The following MEI4 variants were observed in gnomAD, a reference collection of about 807,000 sequenced individuals.
MEI4 encodes the protein meiosis-specific protein MEI4.
In MEI4, 27 loss-of-function variants were observed where a neutral mutation model predicts 31.4. That is an observed-to-expected ratio of 0.86 (90% CI 0.63 to 1.19). MEI4 has a LOEUF of 1.19. MEI4 is among the 50% of genes most tolerant of loss of function. The probability of loss-of-function intolerance (pLI) is 0.00; values close to 1 mark genes in which losing one functional copy is unlikely to be tolerated. For synonymous variants in MEI4, 122 were observed against 145.4 expected (o/e 0.84, Z 1.16); for missense variants, 329 against 398.9 (o/e 0.82, Z 1.49).
chr6:77,796,395 A>T (rs1204661762), intron 3 of MEI4, among the ~76,000 whole-genome samples: 1 of 152,148 alleles, frequency 6.6e-6, no homozygotes, highest in East Asian at 1.9e-4. Context: ...GAAATAAAAG[A>T]TTCAAATTTG....
chr6:77,873,924 G>T (rs902461822), intron 4 of MEI4, among the ~76,000 whole-genome samples: 17 of 152,136 alleles, frequency 1.1e-4, no homozygotes, highest in African/African-American at 3.4e-4. Flanking sequence ...TAGATATGCG[G>T]CATTATTTCT....
rs563235955 is a variant in MEI4, at chr6:77,734,546, G to T, written c.233-26584G>T. Among the ~76,000 whole-genome samples, 5 of 152,072 alleles carry T rather than the reference G, an allele frequency of 3.3e-5. No individual in the cohort carries two copies. In the South Asian group the frequency reaches 1.0e-3, roughly 32 times the overall value. ...CTATTTGTGTCTCTGCACGTGAGAT[G>T]GGTTTCCTGAATACAGCACACTGAT... On this transcript the variant is annotated intron_variant, in intron 2 of 4. Transcript: ENST00000684080.
intron 4 of MEI4, among the ~76,000 whole-genome samples, chr6:77,841,333 A>ATATATATATATATTTTTTTTTTTTT: frequency 1.8e-4 from 5 of 27,736 alleles, no homozygotes; most frequent in Admixed American, 5.9e-4. Context: ...ATATATATAT[A>ATATATATATATATTTTTTTTTTTTT]TTTTTTTTTT....
intron 2 of MEI4, among the ~76,000 whole-genome samples, chr6:77,712,953 A>G (rs1766499381): frequency 1.3e-5 from 2 of 151,768 alleles, no homozygotes; most frequent in Admixed American, 1.3e-4. Context: ...CCTGGGCAAA[A>G]GAGTGAGACT....
chr6:77,748,233 C>CT (rs1231792926), intron 2 of MEI4, among the ~76,000 whole-genome samples: 1 of 152,230 alleles, frequency 6.6e-6, no homozygotes, highest in African/African-American at 2.4e-5. Context: ...GCCTTCCACA[C>CT]TGCCATAGCA....
intron 4 of MEI4, among the ~76,000 whole-genome samples, chr6:77,851,853 C>T (rs1048930038): frequency 2.0e-5 from 3 of 152,006 alleles, no homozygotes; most frequent in Admixed American, 6.6e-5. Context: ...ACTTTTACTA[C>T]ATGGTATCTG....
rs531869829 is a variant in MEI4, at chr6:77,657,619, C to T, written c.-15+4527C>T. Among the ~76,000 whole-genome samples the T allele has an allele frequency of 6.6e-5, 10 of 151,998 alleles. No homozygotes were observed. In the East Asian group the frequency reaches 1.3e-3, roughly 20 times the overall value. ...ACTTGGATTTTTTTTTTTACTCATCCACTCTGAAGGCTGCATTGTTTTCCA... is the reference window on the plus strand; with the variant it reads ...ACTTGGATTTTTTTTTTTACTCATCTACTCTGAAGGCTGCATTGTTTTCCA... On this transcript the variant is annotated intron_variant, in intron 1 of 4. Transcript: ENST00000684080.
At chr6:77,654,564 CT>C (rs1201067764) in intron 1 of MEI4, among the ~76,000 whole-genome samples, 2 of 71,132 alleles carry the variant, frequency 2.8e-5, no homozygotes, top group East Asian at 9.7e-4. Flanking sequence ...TAATACAACA[CT>C]AAAAAAAAAA....
chr6:77,699,751 G>T (rs939991729), intron 2 of MEI4, among the ~76,000 whole-genome samples: 2 of 152,108 alleles, frequency 1.3e-5, no homozygotes, highest in African/African-American at 4.8e-5. Context: ...GTACAGATGG[G>T]TTTTTGGTGT....
At chr6:77,699,725 C>T (rs1028834875) in intron 2 of MEI4, among the ~76,000 whole-genome samples, 2 of 152,116 alleles carry the variant, frequency 1.3e-5, no homozygotes, top group Non-Finnish European at 2.9e-5. Context: ...TACTTTTGGT[C>T]TTTGATGATG....
chr6:77,703,217 C>G (rs1018655017), intron 2 of MEI4, among the ~76,000 whole-genome samples: 3 of 152,160 alleles, frequency 2.0e-5, no homozygotes, highest in Non-Finnish European at 2.9e-5. Context: ...ATACTTGGAA[C>G]AAAATGGCCT....
chr6:77,661,563 G>A (rs938523912), intron 1 of MEI4, among the ~76,000 whole-genome samples: 1 of 152,142 alleles, frequency 6.6e-6, no homozygotes, highest in African/African-American at 2.4e-5. Context: ...ATGGGAGGAG[G>A]CCTGAACAAT....
rs183485394 is a variant in MEI4 at position 77,887,576 on chromosome 6, C to T, written c.901-35513C>T. On this transcript the variant is annotated intron_variant, in intron 4 of 4. Coordinates refer to ENST00000684080, the MANE Select transcript of MEI4 (RefSeq NM_001322247.2). Reference sequence around the variant, plus strand: ...CCTCCCAAAGTGCTGGGATTACAGGCGACAGCCACCGCACCCGGCCTCTTA... The same window carrying T: ...CCTCCCAAAGTGCTGGGATTACAGGTGACAGCCACCGCACCCGGCCTCTTA... Among the ~76,000 whole-genome samples the T allele has an allele frequency of 3.6e-3, 550 of 152,230 alleles. 4 individuals carry two copies. The highest frequency in any genetic ancestry group is 0.013 in the African/African-American group (523 of 41,542).
At chr6:77,743,623 C>T (rs1767484525) in intron 2 of MEI4, among the ~76,000 whole-genome samples, 1 of 152,128 alleles carries the variant, frequency 6.6e-6, no homozygotes, top group African/African-American at 2.4e-5. Context: ...AGTGGTTCTC[C>T]CAGCACGCAG....
At chr6:77,687,805 C>T (rs1422068867) in intron 1 of MEI4, among the ~76,000 whole-genome samples, 8 of 152,090 alleles carry the variant, frequency 5.3e-5, no homozygotes, top group Non-Finnish European at 1.2e-4. Flanking sequence ...GGTGTGCCAC[C>T]TTCTTAGCAT....
Position 77,700,184 on chromosome 6 carries a change from C to A in MEI4, c.232+9281C>A, listed in dbSNP as rs186271359. ...TGTCTTTTTGTTTGTCTGTGCCCTG[C>A]CCCTAGAGGTGGAGCCTACCGGGGC... is the stretch of plus-strand genomic sequence containing the variant. On this transcript the variant is annotated intron_variant, in intron 2 of 4. Transcript: ENST00000684080. Among the ~76,000 whole-genome samples the A allele has an allele frequency of 2.7e-3, 417 of 152,344 alleles. 3 individuals are homozygous for A. The highest frequency in any genetic ancestry group is 4.7e-3 in the Non-Finnish European group (318 of 68,036).
At chr6:77,733,011 C>A (rs1217796989) in intron 2 of MEI4, among the ~76,000 whole-genome samples, 2 of 151,672 alleles carry the variant, frequency 1.3e-5, no homozygotes, top group Non-Finnish European at 2.9e-5. Flanking sequence ...TTTTGATGTG[C>A]TGCTGGATTC....
Position 77,778,098 on chromosome 6 carries a change from A to C in MEI4, c.768+16433A>C, listed in dbSNP as rs993434607. On this transcript the variant is annotated intron_variant, in intron 3 of 4. Transcript: ENST00000684080. ...ATGATATAGCAAAATTATTGAAGAA[A>C]AGTGTGTGTATATGTGAGAGAGCAG... 1.3e-4 allele frequency among the ~76,000 whole-genome samples: 18 copies of C among 136,918 alleles called. 1 individual carries two copies. The highest frequency in any genetic ancestry group is 4.8e-4 in the African/African-American group (18 of 37,516). 89.8% of individuals were successfully genotyped at this position (136,918 alleles called of 152,430 possible). A position where few individuals can be genotyped will look rare whatever the true frequency, so the allele number is the denominator to read the frequency against.
chr6:77,804,789 A>G (rs921307448), intron 3 of MEI4, among the ~76,000 whole-genome samples: 1 of 152,196 alleles, frequency 6.6e-6, no homozygotes, highest in African/African-American at 2.4e-5. Context: ...TCTGAAGTAT[A>G]TCCATGTTTG....
Sources: gnomAD v4.1 joint callset for allele counts (sites outside exome capture counted in the v4.1 genomes callset) on GRCh38, gnomAD v4.1.1 for gene constraint, MANE v1.5 for transcripts, NCBI Gene and HGNC (gene_info 2026-07-23, HGNC 2026-07-21) for gene names.